Variants in CA5A observed in about 807,000 individuals in gnomAD.
CA5A encodes the protein carbonic anhydrase 5A.
A neutral mutation model predicts 37.1 loss-of-function variants in CA5A; 28 were observed. The observed-to-expected ratio is 0.75, with a 90% CI of 0.56 to 1.03. The LOEUF is 1.03. Ranked by LOEUF, CA5A falls within the 50% of genes least tolerant of loss-of-function variation. The pLI is 0.00. For missense variants in CA5A, 444 were observed against 399.9 expected, an observed-to-expected ratio of 1.11 and a Z score of -0.94; for synonymous variants, 171 against 158.4, an observed-to-expected ratio of 1.08 and a Z score of -0.60.
At chr16:87,910,254 G>A (rs1006138103) in intron 2 of CA5A, among the ~76,000 whole-genome samples, 5 of 152,222 alleles carry the variant, frequency 3.3e-5, no homozygotes, top group African/African-American at 1.2e-4. Flanking sequence ...AAGGCTTGGT[G>A]TGTACCAGAG....
chr16:87,920,798 T>C (rs554771640), intron 2 of CA5A, among the ~76,000 whole-genome samples: 2 of 152,050 alleles, frequency 1.3e-5, no homozygotes, highest in South Asian at 4.2e-4. Flanking sequence ...TTTGTATTTT[T>C]ACTTTTTTTT....
At chr16:87,918,383 C>T (rs2056183977) in intron 2 of CA5A, among the ~76,000 whole-genome samples, 1 of 151,972 alleles carries the variant, frequency 6.6e-6, no homozygotes, top group Non-Finnish European at 1.5e-5. Flanking sequence ...CTCCCCCTTC[C>T]CTCCTCCCCC....
intron 5 of CA5A, among the ~76,000 whole-genome samples, chr16:87,901,040 G>C (rs1363163273): frequency 6.6e-6 from 1 of 152,186 alleles, no homozygotes; most frequent in Non-Finnish European, 1.5e-5. Flanking sequence ...AGCCAGCCTG[G>C]CCAACATGGT....
chr16:87,912,558 C>T (rs1447003925), intron 2 of CA5A, among the ~76,000 whole-genome samples: 4 of 152,228 alleles, frequency 2.6e-5, no homozygotes, highest in East Asian at 1.9e-4. Context: ...TCCCACGTGC[C>T]GGGCACCACG....
chr16:87,901,972 G>A lies in CA5A; in HGVS notation c.558C>T (p.Leu186=), dbSNP rs372374928. 8.4e-5 allele frequency: 136 copies of A among 1,613,582 alleles called. No homozygotes were observed. The highest frequency in any genetic ancestry group is 6.9e-4 in the African/African-American group (52 of 75,018). ...TCTGCAGCGTCTGATGATGGGCCCC[G>A]AGCTGCATGGCAGACAAAGGAGGGG... ...GLAVIGVFLK[L]GAHHQTLQRL... Residue 186 remains leucine, a splice_region_variant and synonymous_variant, in exon 5 of 7, where the codon CTC becomes CTT. Transcript: ENST00000649794.
At chr16:87,917,439 T>C (rs796167330) in intron 2 of CA5A, among the ~76,000 whole-genome samples, 1 of 152,222 alleles carries the variant, frequency 6.6e-6, no homozygotes, top group African/African-American at 2.4e-5. Context: ...TACGTTTTCA[T>C]TTTTCAGTCT....
At chr16:87,917,600 ACACAC>A (rs763653070) in intron 2 of CA5A, among the ~76,000 whole-genome samples, 27 of 152,250 alleles carry the variant, frequency 1.8e-4, no homozygotes, top group African/African-American at 4.6e-4. Flanking sequence ...GCACACATGC[ACACAC>A]CACACATGTG....
At chr16:87,894,746 G>T (rs2055776524) in intron 5 of CA5A, among the ~76,000 whole-genome samples, 1 of 152,048 alleles carries the variant, frequency 6.6e-6, no homozygotes, top group Non-Finnish European at 1.5e-5. Flanking sequence ...AGGCATGGTG[G>T]CAGGTGCCTG....
intron 6 of CA5A, among the ~76,000 whole-genome samples, chr16:87,890,186 A>G (rs1408454437): frequency 6.6e-6 from 1 of 151,944 alleles, no homozygotes; most frequent in Non-Finnish European, 1.5e-5. Context: ...CTTCGTTTCT[A>G]CTTTCCTGCC....
At chr16:87,924,920 C>T (rs769196044) in intron 2 of CA5A, among the ~76,000 whole-genome samples, 1 of 152,190 alleles carries the variant, frequency 6.6e-6, no homozygotes, top group Non-Finnish European at 1.5e-5. Context: ...CTCCCTGCAG[C>T]CTTTGCAGTG....
chr16:87,935,645 G>T (rs910943709), intron 1 of CA5A, among the ~76,000 whole-genome samples: 1 of 151,598 alleles, frequency 6.6e-6, no homozygotes, highest in African/African-American at 2.4e-5. Flanking sequence ...GGAGGCCAAG[G>T]TGGGTGGATC....
chr16:87,926,472 C>G (rs1310086446), intron 2 of CA5A, among the ~76,000 whole-genome samples: 1 of 152,202 alleles, frequency 6.6e-6, no homozygotes, highest in African/African-American at 2.4e-5. Context: ...AAGGCGAGCC[C>G]CACGGGAAGG....
downstream of CA5A, chr16:87,886,108 G>C (rs1347549521): frequency 6.7e-6 from 1 of 149,206 alleles, no homozygotes; most frequent in South Asian, 2.1e-4. Context: ...AGACAGAAAA[G>C]CCACACTCAG....
chr16:87,888,188 A>C lies in CA5A; in HGVS notation c.859T>G (p.Leu287Val), dbSNP rs552073689. Reference sequence around the variant, plus strand: ...GACGCCCAGACCTTCCGGTTCATCAAGGGTTGAAGTGGGCGATAGTTGTTC... The same window carrying C: ...GACGCCCAGACCTTCCGGTTCATCACGGGTTGAAGTGGGCGATAGTTGTTC... ...MVNNYRPLQP[L>V]MNRKVWASFQ... Residue 287 changes from leucine (L) to valine (V), a missense_variant, in exon 7 of 7, where the codon TTG becomes GTG. By Grantham distance (32) the Leu-to-Val change is conservative. Transcript: ENST00000649794. The C allele has an allele frequency of 2.5e-6, 4 of 1,613,820 alleles. No homozygotes were observed. The African/African-American group carries it at 5.3e-5, about 22-fold the overall frequency.
intron 2 of CA5A, among the ~76,000 whole-genome samples, chr16:87,914,432 G>T (rs1018795448): frequency 6.6e-6 from 1 of 152,214 alleles, no homozygotes; most frequent in Non-Finnish European, 1.5e-5. Flanking sequence ...CACGCGGCGG[G>T]TGCAGATGCG....
At chr16:87,891,743 A>C in intron 6 of CA5A, 56 bp downstream of exon 6, 1 of 1,405,222 alleles carries the variant, frequency 7.1e-7, no homozygotes, top group African/African-American at 1.5e-5. Flanking sequence ...GACGCTGCCA[A>C]GCAAGAGGGA....
At chr16:87,922,233 T>C (rs1044865457) in intron 2 of CA5A, among the ~76,000 whole-genome samples, 5 of 152,038 alleles carry the variant, frequency 3.3e-5, no homozygotes, top group Non-Finnish European at 7.4e-5. Flanking sequence ...TATTCACTGA[T>C]GTGAATAATA....
downstream of CA5A, chr16:87,884,397 G>A (rs754465322): frequency 1.3e-5 from 2 of 150,546 alleles, no homozygotes; most frequent in Non-Finnish European, 3.0e-5. Context: ...GAGAAACCCC[G>A]TCTCTCGTAA....
intron 1 of CA5A, among the ~76,000 whole-genome samples, chr16:87,935,692 A>G (rs1335075199): frequency 6.6e-6 from 1 of 152,124 alleles, no homozygotes; most frequent in Non-Finnish European, 1.5e-5. Context: ...CCTGGCCAAC[A>G]TGGTGAAACC....
Sources: allele counts gnomAD v4.1 joint callset (sites outside exome capture counted in the v4.1 genomes callset), GRCh38; gene constraint gnomAD v4.1.1; transcripts MANE v1.5; gene names NCBI Gene and HGNC (gene_info 2026-07-23, HGNC 2026-07-21).